Variants in KCNJ6 observed in about 807,000 individuals in gnomAD.
KCNJ6 encodes G protein-activated inward rectifier potassium channel 2.
A neutral mutation model predicts 34.2 loss-of-function variants in KCNJ6; 9 were observed. The observed-to-expected ratio is 0.26, with a 90% CI of 0.16 to 0.46. The LOEUF (loss-of-function observed/expected upper bound fraction) is 0.46, where lower values mean the gene tolerates loss of function less well. Ranked by LOEUF, KCNJ6 falls within the 20% of genes least tolerant of loss-of-function variation. KCNJ6 has a pLI of 1.00. For missense variants in KCNJ6, 236 were observed against 531.3 expected (o/e 0.44, Z 5.46); for synonymous variants, 196 against 207.1 (o/e 0.95, Z 0.46).
At chr21:37,789,667 C>T (rs112521891) in intron 2 of KCNJ6, among the ~76,000 whole-genome samples, 1,770 of 152,292 alleles carry the variant, frequency 0.012, 38 homozygotes, top group African/African-American at 0.04. Context: ...AGGTCTTCGA[C>T]GGCATCCTTG....
At chr21:37,654,304 A>G (rs2054447598) in intron 3 of KCNJ6, among the ~76,000 whole-genome samples, 1 of 151,886 alleles carries the variant, frequency 6.6e-6, no homozygotes, top group South Asian at 2.1e-4. Flanking sequence ...ATGGACACCC[A>G]CACACCTCAG....
chr21:37,775,918 T>C lies in KCNJ6; in HGVS notation c.26-60787A>G, dbSNP rs1402794554. ...CATTGGTAGCTTGATGGGGATGGCA[T>C]TGAATCTATAAATTACCTTGGGCAG... On this transcript the variant is annotated intron_variant, in intron 2 of 3. Transcript: ENST00000609713. 5.3e-5 allele frequency among the ~76,000 whole-genome samples: 8 copies of C among 152,232 alleles called. No individual in the cohort carries two copies. In the East Asian group the frequency reaches 1.2e-3, roughly 22 times the overall value.
intron 1 of KCNJ6, among the ~76,000 whole-genome samples, chr21:37,897,535 T>C (rs1046509469): frequency 6.6e-6 from 1 of 152,262 alleles, no homozygotes; most frequent in African/African-American, 2.4e-5. Flanking sequence ...AGGCCACCTA[T>C]GGTCCTGATC....
At chr21:37,755,427 C>CA (rs1472828590) in intron 2 of KCNJ6, among the ~76,000 whole-genome samples, 1 of 152,220 alleles carries the variant, frequency 6.6e-6, no homozygotes, top group Non-Finnish European at 1.5e-5. Context: ...TGCAAATCTT[C>CA]AAATGTTACC....
At chr21:37,814,575 G>A (rs8127669) in intron 2 of KCNJ6, among the ~76,000 whole-genome samples, 32,951 of 151,996 alleles carry the variant, frequency 0.22, 3,906 homozygotes, top group South Asian at 0.35. Flanking sequence ...TGTGGTATAC[G>A]TACACAATGG....
At chr21:37,854,018 C>T (rs1336184266) in intron 1 of KCNJ6, among the ~76,000 whole-genome samples, 1 of 148,168 alleles carries the variant, frequency 6.7e-6, no homozygotes, top group Non-Finnish European at 1.5e-5. Context: ...AGAAAAAAAC[C>T]CCAGAGAATC....
chr21:37,741,938 C>T (rs1346375910), intron 2 of KCNJ6, among the ~76,000 whole-genome samples: 1 of 152,206 alleles, frequency 6.6e-6, no homozygotes, highest in Non-Finnish European at 1.5e-5. Context: ...GCTATTTATT[C>T]ACACGTGCTG....
chr21:37,742,828 C>G (rs1459919424), intron 2 of KCNJ6, among the ~76,000 whole-genome samples: 1 of 152,222 alleles, frequency 6.6e-6, no homozygotes, highest in Non-Finnish European at 1.5e-5. Flanking sequence ...TCCAGGCTCC[C>G]AGCAAGGCTC....
At chr21:37,872,020 T>C (rs1482769271) in intron 1 of KCNJ6, among the ~76,000 whole-genome samples, 1 of 152,202 alleles carries the variant, frequency 6.6e-6, no homozygotes, top group African/African-American at 2.4e-5. Context: ...GTTCAGTTTT[T>C]TTTTGACGGG....
chr21:37,608,172 T>C lies in KCNJ6; in HGVS notation c.*16987A>G, dbSNP rs1259261190. ...CCTGAAATTCTAAGTCTCTATAAAT[T>C]AGCACCAGTTTTCCAAATGCATATT... On this transcript the variant is annotated 3_prime_UTR_variant, in exon 4 of 4. Transcript: ENST00000609713. 6.6e-6 allele frequency: 1 copy of C among 152,204 alleles called. No homozygotes were observed. The highest frequency in any genetic ancestry group is 1.5e-5 in the Non-Finnish European group (1 of 68,038). 9.4% of individuals were successfully genotyped at this position (152,204 alleles called of 1,614,324 possible).
chr21:37,712,090 G>A (rs2054756021), intron 3 of KCNJ6, among the ~76,000 whole-genome samples: 1 of 152,162 alleles, frequency 6.6e-6, no homozygotes, highest in South Asian at 2.1e-4. Flanking sequence ...AAGATAATTT[G>A]CTTATTCCAG....
intron 1 of KCNJ6, among the ~76,000 whole-genome samples, chr21:37,858,138 T>A (rs1408188138): frequency 6.6e-6 from 1 of 152,028 alleles, no homozygotes; most frequent in Non-Finnish European, 1.5e-5. Context: ...ACGCCTGTAA[T>A]CTCAGCACTT....
intron 3 of KCNJ6, among the ~76,000 whole-genome samples, chr21:37,627,338 T>C (rs2054315721): frequency 6.6e-6 from 1 of 152,176 alleles, no homozygotes; most frequent in Admixed American, 6.5e-5. Flanking sequence ...AAAACAAACA[T>C]TGCAGGGCTT....
intron 1 of KCNJ6, among the ~76,000 whole-genome samples, chr21:37,845,355 T>C (rs1025377284): frequency 6.6e-6 from 1 of 152,198 alleles, no homozygotes; most frequent in Non-Finnish European, 1.5e-5. Flanking sequence ...TCTTGCTTAT[T>C]GTGTCTATCC....
chr21:37,849,536 T>A (rs1284683378), intron 1 of KCNJ6, among the ~76,000 whole-genome samples: 1 of 152,128 alleles, frequency 6.6e-6, no homozygotes, highest in Non-Finnish European at 1.5e-5. Context: ...TCTTCCAACA[T>A]CCACTCTGCA....
In KCNJ6 at chr21:37,615,037, G is replaced by C. The variant is rs2054261134; in HGVS notation, c.*10122C>G. ...TTGTCACAGAATTAGAAAATACACA[G>C]AAGAAATTCTTACAGTGCAGTTGTC... On this transcript the variant is annotated 3_prime_UTR_variant, in exon 4 of 4. Transcript: ENST00000609713. 1 of 152,158 alleles carries C rather than the reference G, an allele frequency of 6.6e-6. No individual in the cohort carries two copies. The highest frequency in any genetic ancestry group is 1.5e-5 in the Non-Finnish European group (1 of 68,032). The allele number at this position is 152,158 out of a possible 1,614,324, so 9.4% of individuals were successfully genotyped here. A position where few individuals can be genotyped will look rare whatever the true frequency, so the allele number is the denominator to read the frequency against.
In KCNJ6 at chr21:37,618,260, G is replaced by A. The variant is rs937449206; in HGVS notation, c.*6899C>T. On this transcript the variant is annotated 3_prime_UTR_variant, in exon 4 of 4. Coordinates refer to ENST00000609713, the MANE Select transcript of KCNJ6 (RefSeq NM_002240.5). ...TCTGATCTCTGCACTCCAGTTGATC[G>A]AGTTCTACTAGTTGTGTTTAGTGAT... 6.6e-6 allele frequency: 1 copy of A among 152,200 alleles called. No individual in the cohort carries two copies. The highest frequency in any genetic ancestry group is 2.1e-4 in the South Asian group (1 of 4,830). 9.4% of individuals were successfully genotyped at this position (152,200 alleles called of 1,614,324 possible). A position where few individuals can be genotyped will look rare whatever the true frequency, so the allele number is the denominator to read the frequency against.
chr21:37,698,418 G>A (rs1012590869), intron 3 of KCNJ6, among the ~76,000 whole-genome samples: 1 of 152,238 alleles, frequency 6.6e-6, no homozygotes, highest in Non-Finnish European at 1.5e-5. Flanking sequence ...GGGGCTCATG[G>A]TCTTCCTGCT....
At chr21:37,812,175 A>C (rs951052031) in intron 2 of KCNJ6, among the ~76,000 whole-genome samples, 7 of 152,152 alleles carry the variant, frequency 4.6e-5, no homozygotes, top group African/African-American at 1.7e-4. Flanking sequence ...TTTCTGAGGA[A>C]ATCATAAGTC....
Sources: allele counts gnomAD v4.1 joint callset (sites outside exome capture counted in the v4.1 genomes callset), GRCh38; gene constraint gnomAD v4.1.1; transcripts MANE v1.5; gene names NCBI Gene and HGNC (gene_info 2026-07-23, HGNC 2026-07-21).